Variants in CRISPLD2 observed in about 807,000 individuals in gnomAD.
CRISPLD2 encodes the protein cysteine-rich secretory protein LCCL domain-containing 2.
In CRISPLD2, 47 loss-of-function variants were observed where a neutral mutation model predicts 71.1. The observed-to-expected ratio is 0.66, with a 90% CI of 0.52 to 0.84. The LOEUF (loss-of-function observed/expected upper bound fraction) is 0.84. Ranked by LOEUF, CRISPLD2 falls within the 40% of genes least tolerant of loss-of-function variation. The pLI is 0.00. For synonymous variants in CRISPLD2, 317 were observed against 250.1 expected (o/e 1.27, Z -2.52); for missense variants, 830 against 651.1 (o/e 1.27, Z -2.99).
Position 84,845,883 on chromosome 16 carries a change from A to G in CRISPLD2, c.338A>G (p.Asn113Ser), listed in dbSNP as rs777418530. 5 of 1,613,148 alleles carry G rather than the reference A, an allele frequency of 3.1e-6. No homozygotes were observed. In the African/African-American group the frequency reaches 4.0e-5, roughly 13 times the overall value. Reference protein sequence around the residue: ...PTSLLVSIGQNLGAHWGRYRS... With the variant: ...PTSLLVSIGQSLGAHWGRYRS... ...AGTCTGCTGGTGTCCATCGGGCAGA[A>G]CCTGGGCGCTCACTGGGGCAGGTAA... is the stretch of plus-strand genomic sequence containing the variant. The change falls in exon 3 of 15, where the codon AAC becomes AGC. Residue 113 changes from asparagine (N) to serine (S), a missense_variant. Transcript: ENST00000262424.
At chr16:84,824,822 G>A (rs1916310344) in intron 1 of CRISPLD2, among the ~76,000 whole-genome samples, 1 of 152,066 alleles carries the variant, frequency 6.6e-6, no homozygotes, top group Non-Finnish European at 1.5e-5. Context: ...ACAAAATATG[G>A]GGCCAGGCGC....
At chr16:84,872,405 C>G (rs763378252) in intron 8 of CRISPLD2, 37 bp from the exon 9 acceptor site, 1 of 1,550,708 alleles carries the variant, frequency 6.4e-7, no homozygotes, top group Non-Finnish European at 8.9e-7. Flanking sequence ...AATCAACGTG[C>G]TTATCTCTGA....
chr16:84,895,207 C>G (rs2071695680), intron 14 of CRISPLD2, among the ~76,000 whole-genome samples: 1 of 152,212 alleles, frequency 6.6e-6, no homozygotes, highest in African/African-American at 2.4e-5. Flanking sequence ...GGTTAAACGA[C>G]TTGCCCAAGG....
chr16:84,905,310 A>G (rs1383542511), intron 14 of CRISPLD2, among the ~76,000 whole-genome samples: 2 of 152,228 alleles, frequency 1.3e-5, no homozygotes, highest in South Asian at 2.1e-4. Context: ...AGATGACTGC[A>G]CAACTCTATA....
At chr16:84,906,374 A>T (rs773637845) in intron 14 of CRISPLD2, among the ~76,000 whole-genome samples, 8 of 152,172 alleles carry the variant, frequency 5.3e-5, no homozygotes, top group Non-Finnish European at 8.8e-5. Context: ...CTAGAATCAG[A>T]TGGATGCTCA....
chr16:84,848,608 T>G (rs1402434617), intron 3 of CRISPLD2, among the ~76,000 whole-genome samples: 1 of 152,084 alleles, frequency 6.6e-6, no homozygotes, highest in Non-Finnish European at 1.5e-5. Context: ...GCCCGGCTAA[T>G]TTTTGTATTT....
intron 2 of CRISPLD2, among the ~76,000 whole-genome samples, chr16:84,841,691 G>A (rs1916776352): frequency 6.6e-6 from 1 of 152,062 alleles, no homozygotes; most frequent in Non-Finnish European, 1.5e-5. Context: ...CGACCCCTGG[G>A]TTCAAGCGAT....
intron 14 of CRISPLD2, among the ~76,000 whole-genome samples, chr16:84,896,107 C>T (rs1272020738): frequency 2.7e-5 from 4 of 150,256 alleles, no homozygotes; most frequent in South Asian, 2.1e-4. Flanking sequence ...GGCGCGATCT[C>T]CACTCACTGC....
intron 2 of CRISPLD2, among the ~76,000 whole-genome samples, chr16:84,843,431 C>T (rs1403255311): frequency 6.6e-6 from 1 of 152,222 alleles, no homozygotes; most frequent in Non-Finnish European, 1.5e-5. Context: ...TCTAAAACCC[C>T]AAAGAGTTGA....
chr16:84,827,861 C>T (rs754311727), intron 1 of CRISPLD2, among the ~76,000 whole-genome samples: 2 of 151,996 alleles, frequency 1.3e-5, no homozygotes, highest in African/African-American at 2.4e-5. Flanking sequence ...GCCGCCGCAC[C>T]GGGCCTACAG....
At chr16:84,899,189 C>A (rs2071732120) in intron 14 of CRISPLD2, among the ~76,000 whole-genome samples, 1 of 152,154 alleles carries the variant, frequency 6.6e-6, no homozygotes, top group South Asian at 2.1e-4. Flanking sequence ...TGTGCCCCGC[C>A]TGAGGGATTT....
intron 5 of CRISPLD2, among the ~76,000 whole-genome samples, chr16:84,853,978 C>T (rs918249611): frequency 1.3e-5 from 2 of 152,242 alleles, no homozygotes; most frequent in African/African-American, 4.8e-5. Context: ...CTCTACCTGG[C>T]CCCTGGAGAA....
At chr16:84,857,650 C>T (rs577095708) in intron 6 of CRISPLD2, among the ~76,000 whole-genome samples, 144 of 152,294 alleles carry the variant, frequency 9.5e-4, no homozygotes, top group Non-Finnish European at 1.7e-3. Context: ...GCTGTACTGC[C>T]GCAGCTGTCC....
intron 2 of CRISPLD2, among the ~76,000 whole-genome samples, chr16:84,844,252 C>T (rs1597453581): frequency 2.0e-5 from 3 of 152,220 alleles, no homozygotes; most frequent in Non-Finnish European, 4.4e-5. Context: ...TGCCCAGACC[C>T]CTGCTCAGGC....
At position 84,873,200 on chromosome 16, in the gene CRISPLD2, A is replaced by T. The variant is rs1435684870; in HGVS notation, c.1112+78A>T. On this transcript the variant is annotated intron_variant, in intron 10 of 14. Transcript: ENST00000262424. Reference sequence around the variant, plus strand: ...TGTTGTTGAAATTTTGAAAAATACCACACAGGCCGGGCGTGGTGGCTCACA... The same window carrying T: ...TGTTGTTGAAATTTTGAAAAATACCTCACAGGCCGGGCGTGGTGGCTCACA... The T allele has an allele frequency of 1.2e-5, 19 of 1,539,640 alleles. 1 individual carries two copies. In the South Asian group the frequency reaches 2.3e-4, roughly 19 times the overall value.
rs190025180 is a variant in CRISPLD2, at chr16:84,833,165, A to G, written c.-74-5257A>G. 4.7e-4 allele frequency among the ~76,000 whole-genome samples: 72 copies of G among 152,292 alleles called. No individual in the cohort carries two copies. In the East Asian group the frequency reaches 5.6e-3, roughly 12 times the overall value. On this transcript the variant is annotated intron_variant, in intron 1 of 14. Transcript: ENST00000262424. ...CAGCTGCCTCCCTGCTAGAGTCCAA[A>G]TGCATCTCAAAGCTCTGGGCAGCGC...
chr16:84,876,657 G>T (rs542209381), intron 11 of CRISPLD2, among the ~76,000 whole-genome samples: 174 of 152,236 alleles, frequency 1.1e-3, no homozygotes, highest in Non-Finnish European at 2.2e-3. Flanking sequence ...GCTGGCTGTG[G>T]TGGCAGGCGC....
rs112158287 is a variant in CRISPLD2 at position 84,860,508 on chromosome 16, G to A, written c.709+5679G>A. 4.2e-3 allele frequency among the ~76,000 whole-genome samples: 647 copies of A among 152,306 alleles called. 9 individuals carry two copies. Among genetic ancestry groups the A allele is most frequent in the African/African-American group, 0.015 (622 of 41,558 alleles). ...TGGGGTTGGCTCCTGAGGAGAATCA[G>A]CATTATCTTGCCTGGCAGCTGCCTC... On this transcript the variant is annotated intron_variant, in intron 6 of 14. Transcript: ENST00000262424.
At chr16:84,869,576 C>T (rs1222314044) in intron 8 of CRISPLD2, among the ~76,000 whole-genome samples, 2 of 152,230 alleles carry the variant, frequency 1.3e-5, no homozygotes, top group African/African-American at 4.8e-5. Flanking sequence ...GATGAGGCGG[C>T]TCAGTGGGCT....
Sources: allele counts gnomAD v4.1 joint callset (sites outside exome capture counted in the v4.1 genomes callset), GRCh38; gene constraint gnomAD v4.1.1; transcripts MANE v1.5; gene names NCBI Gene and HGNC (gene_info 2026-07-23, HGNC 2026-07-21).